The following AGO3 variants were observed in gnomAD, a reference collection of about 807,000 sequenced individuals.
AGO3 encodes protein argonaute-3.
AGO3 carries 16 observed loss-of-function variants against 105.5 expected under a neutral mutation model. That is an observed-to-expected ratio of 0.15 (90% CI 0.10 to 0.23). AGO3 has a LOEUF of 0.23. Among genes scored for constraint, AGO3 ranks in the 10% least tolerant of loss-of-function variants. The pLI is 1.00. For missense variants in AGO3, 534 were observed against 1,088.0 expected (o/e 0.49, Z 7.16); for synonymous variants, 340 against 367.3 (o/e 0.93, Z 0.85).
chr1:35,942,172 C>CA (rs1416881486), intron 1 of AGO3, among the ~76,000 whole-genome samples: 10 of 152,126 alleles, frequency 6.6e-5, no homozygotes, highest in Admixed American at 5.9e-4. Flanking sequence ...AATTTAAAAA[C>CA]AAATGATTCA....
chr1:36,013,912 T>C lies in AGO3; in HGVS notation c.1273-3T>C. Reference sequence around the variant, plus strand: ...ACCATGTTATTTTTTTCTCCTCGTGTAGAATCGGACAGTAGCAACACCGAG... The same window carrying C: ...ACCATGTTATTTTTTTCTCCTCGTGCAGAATCGGACAGTAGCAACACCGAG... On this transcript the variant is annotated splice_region_variant and splice_polypyrimidine_tract_variant and intron_variant, in intron 10 of 18. Coordinates refer to ENST00000373191, the MANE Select transcript of AGO3 (RefSeq NM_024852.4). 1 of 1,610,600 alleles carries C rather than the reference T, an allele frequency of 6.2e-7. No individual in the cohort carries two copies. The highest frequency in any genetic ancestry group is 1.3e-5 in the African/African-American group (1 of 74,934).
chr1:35,994,042 ATTTTTTTTTTT>A (rs759085356), intron 5 of AGO3, among the ~76,000 whole-genome samples: 5 of 65,840 alleles, frequency 7.6e-5, no homozygotes, highest in East Asian at 6.0e-4. Flanking sequence ...CTGCGCCCAG[ATTTTTTTTTTT>A]TTTTTTTTTT....
Position 36,055,535 on chromosome 1 carries a change from T to C in AGO3, c.2475-102T>C. 9.1e-7 allele frequency: 1 copy of C among 1,104,264 alleles called. No individual in the cohort carries two copies. The highest frequency in any genetic ancestry group is 1.4e-6 in the Non-Finnish European group (1 of 738,836). The allele number at this position is 1,104,264 out of a possible 1,614,324, so 68.4% of individuals were successfully genotyped here. On this transcript the variant is annotated intron_variant, in intron 18 of 18. Transcript: ENST00000373191. The surrounding 1 kb of genome is among the most constrained non-coding windows in gnomAD (Gnocchi z 4.4). ...ATAGATTGTTACACCAGTCTCTTAT[T>C]TGTTAATAATTTTGAAATTTTCTAC...
At chr1:35,990,902 AGCT>A (rs2148794158) in intron 5 of AGO3, among the ~76,000 whole-genome samples, 1 of 152,332 alleles carries the variant, frequency 6.6e-6, no homozygotes, top group African/African-American at 2.4e-5. Context: ...GAGAGTTATC[AGCT>A]GATTCAGGCA....
chr1:36,001,000 C>T (rs1344761065), intron 5 of AGO3, among the ~76,000 whole-genome samples: 1 of 152,134 alleles, frequency 6.6e-6, no homozygotes, highest in Non-Finnish European at 1.5e-5. Flanking sequence ...CTTTGGGAGG[C>T]CGAGGCGGGT....
chr1:36,040,266 A>G, intron 15 of AGO3, 41 bp from the exon 16 acceptor site: 1 of 1,588,332 alleles, frequency 6.3e-7, no homozygotes, highest in East Asian at 2.2e-5. Flanking sequence ...ATAAAAACAA[A>G]TAGCTGACTA....
intron 5 of AGO3, 35 bp downstream of exon 5, chr1:35,973,546 G>A (rs779585073): frequency 4.2e-6 from 6 of 1,440,538 alleles, no homozygotes; most frequent in Non-Finnish European, 5.5e-6. Context: ...GTATTGGGTG[G>A]TGGATTTCTG....
intron 14 of AGO3, 60 bp from the exon 15 acceptor site, chr1:36,039,729 TA>T: frequency 9.1e-7 from 1 of 1,095,206 alleles, no homozygotes; most frequent in South Asian, 3.4e-5. Context: ...GAAATTCATG[TA>T]ATTTTGATTA....
rs777956533 is a variant in AGO3 at position 35,973,392 on chromosome 1, G to A, written c.539G>A (p.Arg180His). The change falls in exon 5 of 19, where the codon CGT (arginine) becomes CAT (histidine). Residue 180 changes from arginine (R) to histidine (H), a missense_variant. Transcript: ENST00000373191. ...LPSMKYTPVG[R>H]SFFSAPEGYD... ...TTTTGTAGATACACACCTGTGGGGC[G>A]TTCATTTTTCTCCGCTCCAGAAGGA... 5 of 1,578,282 alleles carry A rather than the reference G, an allele frequency of 3.2e-6. No homozygotes were observed. The highest frequency in any genetic ancestry group is 1.2e-5 in the South Asian group (1 of 85,658).
chr1:36,004,424 C>G lies in AGO3; in HGVS notation c.742C>G (p.Pro248Ala), dbSNP rs773104942. ...VLDIHNIDEQ[P>A]RPLTDSHRVK... ...TGATATTCATAATATTGATGAGCAA[C>G]CAAGACCTCTGACTGATTCTCATCG... The change falls in exon 6 of 19, where the codon CCA becomes GCA. Residue 248 changes from proline (P) to alanine (A), a missense_variant. Physicochemically the swap from Pro to Ala is conservative, Grantham distance 27. This residue lies in a region of AGO3 where 373 missense variants were observed against 854.0 expected (regional missense o/e 0.44). Transcript: ENST00000373191. 6.2e-7 allele frequency: 1 copy of G among 1,607,462 alleles called. No homozygotes were observed. The highest frequency in any genetic ancestry group is 1.1e-5 in the South Asian group (1 of 90,106).
chr1:36,017,585 A>G (rs919452166), intron 11 of AGO3, among the ~76,000 whole-genome samples: 2 of 152,144 alleles, frequency 1.3e-5, no homozygotes, highest in African/African-American at 4.8e-5. Flanking sequence ...ATAAATTTCT[A>G]ATCATTGCCT....
chr1:35,978,253 G>A (rs955818149), intron 5 of AGO3, among the ~76,000 whole-genome samples: 3 of 152,042 alleles, frequency 2.0e-5, no homozygotes, highest in South Asian at 4.2e-4. Flanking sequence ...GTAGTGGCTC[G>A]ATCTCGACTC....
intron 1 of AGO3, among the ~76,000 whole-genome samples, chr1:35,932,767 G>A (rs72661623): frequency 0.05 from 7,630 of 152,094 alleles, 262 homozygotes; most frequent in South Asian, 0.084. Context: ...CCATACTACT[G>A]TTTTACTGTA....
chr1:36,005,927 T>G, intron 6 of AGO3: 1 of 977,562 alleles, frequency 1.0e-6, no homozygotes, highest in Non-Finnish European at 1.2e-6. Flanking sequence ...ATGGAGGGTT[T>G]GGGGAGGGAC....
chr1:36,021,485 TA>T (rs554824732), intron 11 of AGO3, among the ~76,000 whole-genome samples: 1 of 152,232 alleles, frequency 6.6e-6, no homozygotes, highest in Admixed American at 6.5e-5. Flanking sequence ...TTAATATTTA[TA>T]AAAATATAAC....
Position 36,058,201 on chromosome 1 carries a change from T to C in AGO3, c.*2456T>C, listed in dbSNP as rs1414411070. 2.0e-5 allele frequency: 3 copies of C among 152,218 alleles called. No individual in the cohort carries two copies. The highest frequency in any genetic ancestry group is 4.4e-5 in the Non-Finnish European group (3 of 68,036). 9.4% of individuals were successfully genotyped at this position (152,218 alleles called of 1,614,324 possible). ...GATGATATTTTAAAACTTTTGCTAA[T>C]GTATCACCAGTATAACTTTCCTTTT... On this transcript the variant is annotated 3_prime_UTR_variant, in exon 19 of 19. Coordinates refer to ENST00000373191, the MANE Select transcript of AGO3 (RefSeq NM_024852.4).
At position 36,010,404 on chromosome 1, in the gene AGO3, G is replaced by A. The variant is rs1238217767; in HGVS notation, c.1149+810G>A. Among the ~76,000 whole-genome samples the A allele has an allele frequency of 3.3e-5, 5 of 151,932 alleles. 1 individual carries two copies. The highest frequency in any genetic ancestry group is 7.4e-5 in the Non-Finnish European group (5 of 67,982). On this transcript the variant is annotated intron_variant, in intron 9 of 18. Transcript: ENST00000373191. The stretch of plus-strand genomic sequence containing the variant: ...GGATCACTTGAGGCCAGGAATTTGG[G>A]ACCAGCCTGGGAAACATGGCAAAAT...
intron 5 of AGO3, among the ~76,000 whole-genome samples, chr1:36,001,771 A>G (rs1278449027): frequency 6.6e-6 from 1 of 152,140 alleles, no homozygotes; most frequent in Non-Finnish European, 1.5e-5. Context: ...ATCTAAGTGC[A>G]TATTAAAAGG....
At chr1:35,992,771 C>T (rs12032482) in intron 5 of AGO3, among the ~76,000 whole-genome samples, 3,424 of 152,256 alleles carry the variant, frequency 0.022, 136 homozygotes, top group African/African-American at 0.076. Context: ...TATTCCAAAA[C>T]GTAGTGACTC....
Sources: gnomAD v4.1 joint callset for allele counts (sites outside exome capture counted in the v4.1 genomes callset) on GRCh38, gnomAD v4.1.1 for gene constraint, gnomAD v4.1.1 regional missense constraint, Gnocchi (gnomAD v3.1) non-coding constraint, MANE v1.5 for transcripts, NCBI Gene and HGNC (gene_info 2026-07-23, HGNC 2026-07-21) for gene names.